SV2C: variants seen among roughly 807,000 people sequenced by gnomAD.
The protein encoded by SV2C is synaptic vesicle glycoprotein 2C, also known as solute carrier family 22 member B3.
A neutral mutation model predicts 79.7 loss-of-function variants in SV2C; 49 were observed. The ratio of observed to expected loss-of-function variants is 0.61; its 90% CI spans 0.49 to 0.78. The LOEUF (loss-of-function observed/expected upper bound fraction) is 0.78, where lower values mean the gene tolerates loss of function less well. SV2C is among the 30% of genes least tolerant of loss of function. The probability of loss-of-function intolerance (pLI) is 0.00; values close to 1 mark genes in which losing one functional copy is unlikely to be tolerated. For synonymous variants in SV2C, 334 were observed against 333.2 expected, an observed-to-expected ratio of 1.00 and a Z score of -0.03; for missense variants, 833 against 912.9, an observed-to-expected ratio of 0.91 and a Z score of 1.13.
the SV2C span, among the ~76,000 whole-genome samples, chr5:76,030,271 T>G: frequency 1.6e-4 from 17 of 105,132 alleles, no homozygotes; most frequent in African/African-American, 5.8e-4. Context: ...GGCTTGTTTT[T>G]TTTTTTTTTT....
chr5:76,023,718 A>AGTT, the SV2C span, among the ~76,000 whole-genome samples: 123,651 of 151,182 alleles, frequency 0.82, 51,223 homozygotes, highest in African/African-American at 0.95. Flanking sequence ...GTTTGTTCAG[A>AGTT]GTTTTCTATA....
chr5:76,311,947 A>G (rs747961256), intron 12 of SV2C, among the ~76,000 whole-genome samples: 2 of 152,210 alleles, frequency 1.3e-5, no homozygotes, highest in Non-Finnish European at 2.9e-5. Context: ...CTAACTGGGA[A>G]AAATAAGTCA....
chr5:76,044,682 TA>T, the SV2C span, among the ~76,000 whole-genome samples: 7 of 152,238 alleles, frequency 4.6e-5, no homozygotes, highest in African/African-American at 9.6e-5. Flanking sequence ...CTTTTATTCA[TA>T]TTTTTTTTGG....
At chr5:76,048,985 AAG>A in the SV2C span, among the ~76,000 whole-genome samples, 1 of 91,262 alleles carries the variant, frequency 1.1e-5, no homozygotes, top group Non-Finnish European at 2.4e-5. Context: ...GAAAGAAAGA[AAG>A]AAAGAAAGAA....
chr5:76,009,851 T>G, the SV2C span, among the ~76,000 whole-genome samples: 1,081 of 152,046 alleles, frequency 7.1e-3, 16 homozygotes, highest in African/African-American at 0.025. Flanking sequence ...AACCTCAGCA[T>G]CACACTATAT....
At chr5:76,139,938 C>T (rs1283457199) in intron 2 of SV2C, among the ~76,000 whole-genome samples, 2 of 76,710 alleles carry the variant, frequency 2.6e-5, no homozygotes, top group South Asian at 8.0e-4. Context: ...GGCGCAATCT[C>T]GGCTCACTGC....
At chr5:76,140,162 A>G (rs969742384) in intron 2 of SV2C, among the ~76,000 whole-genome samples, 2 of 152,158 alleles carry the variant, frequency 1.3e-5, no homozygotes, top group Non-Finnish European at 2.9e-5. Flanking sequence ...ACCAAAATTT[A>G]TTGAGCATCT....
chr5:76,339,844 G>A (rs1749406803), intron 12 of SV2C, among the ~76,000 whole-genome samples: 1 of 152,182 alleles, frequency 6.6e-6, no homozygotes, highest in Non-Finnish European at 1.5e-5. Flanking sequence ...GTTTAAACCA[G>A]AGCAACTCCA....
intron 1 of SV2C, among the ~76,000 whole-genome samples, chr5:76,130,829 G>A (rs916897048): frequency 6.6e-6 from 1 of 152,062 alleles, no homozygotes; most frequent in Admixed American, 6.6e-5. Context: ...GAGAGAGAGA[G>A]TGTGTGTGCG....
the SV2C span, among the ~76,000 whole-genome samples, chr5:75,974,351 A>G: frequency 1.3e-5 from 2 of 152,268 alleles, no homozygotes; most frequent in East Asian, 3.9e-4. Context: ...TCTAAAATAT[A>G]TGAGAACACA....
chr5:75,884,479 A>G, the SV2C span, among the ~76,000 whole-genome samples: 2 of 152,200 alleles, frequency 1.3e-5, no homozygotes, highest in African/African-American at 4.8e-5. Context: ...CAATATGTCC[A>G]TTAAAGGAAG....
the SV2C span, among the ~76,000 whole-genome samples, chr5:75,904,243 G>T: frequency 6.6e-6 from 1 of 151,988 alleles, no homozygotes; most frequent in South Asian, 2.1e-4. Context: ...TTTTGGCGAG[G>T]GTATTTTGTT....
intron 12 of SV2C, among the ~76,000 whole-genome samples, chr5:76,302,806 G>A (rs1748056160): frequency 1.3e-5 from 2 of 151,738 alleles, no homozygotes; most frequent in South Asian, 4.2e-4. Context: ...TTGCCTTCAT[G>A]TACCACTCCT....
chr5:75,987,269 A>C, the SV2C span, among the ~76,000 whole-genome samples: 1 of 152,002 alleles, frequency 6.6e-6, no homozygotes, highest in East Asian at 1.9e-4. Context: ...TTTTTGATGC[A>C]CTTCCAGCTG....
chr5:76,333,938 T>C lies in SV2C; in HGVS notation c.*8391T>C, dbSNP rs1018194530. ...TAATAAAAGAGCATTTTTTTTTTGC[T>C]CCATTATATTCAAATACAGATTGCT... is the stretch of plus-strand genomic sequence containing the variant. On this transcript the variant is annotated 3_prime_UTR_variant, in exon 13 of 13. Coordinates refer to ENST00000502798, the MANE Select transcript of SV2C (RefSeq NM_014979.4). The C allele has an allele frequency of 2.0e-5, 3 of 150,554 alleles. No individual in the cohort carries two copies. The highest frequency in any genetic ancestry group is 3.9e-4 in the East Asian group (2 of 5,160). The allele number at this position is 150,554 out of a possible 1,614,324, so 9.3% of individuals were successfully genotyped here. A position where few individuals can be genotyped will look rare whatever the true frequency, so the allele number is the denominator to read the frequency against.
chr5:75,899,841 G>T, the SV2C span, among the ~76,000 whole-genome samples: 1 of 151,892 alleles, frequency 6.6e-6, no homozygotes, highest in African/African-American at 2.4e-5. Flanking sequence ...TGTCTCTTTT[G>T]ATCTTTGTTG....
chr5:76,262,005 TTTC>T (rs1229885574), intron 4 of SV2C, among the ~76,000 whole-genome samples: 2 of 152,220 alleles, frequency 1.3e-5, no homozygotes, highest in Non-Finnish European at 2.9e-5. Context: ...TTTGGAATAG[TTTC>T]AGAAGGAATG....
At chr5:76,301,244 C>CTTT in intron 11 of SV2C, 142 bp from the exon 12 acceptor site, 1 of 1,076,540 alleles carries the variant, frequency 9.3e-7, no homozygotes, top group South Asian at 1.6e-5. Flanking sequence ...CAGGTGAATG[C>CTTT]ACCAGTTCTT....
chr5:76,136,409 C>T (rs1749070510), intron 2 of SV2C, among the ~76,000 whole-genome samples: 1 of 152,154 alleles, frequency 6.6e-6, no homozygotes, highest in African/African-American at 2.4e-5. Flanking sequence ...GAGCCAGGTA[C>T]CTGGCAAAGT....
Sources: gnomAD v4.1 joint callset for allele counts (sites outside exome capture counted in the v4.1 genomes callset) on GRCh38, gnomAD v4.1.1 for gene constraint, MANE v1.5 for transcripts, NCBI Gene and HGNC (gene_info 2026-07-23, HGNC 2026-07-21) for gene names.